Variants in ARID5B observed in about 807,000 individuals in gnomAD.
ARID5B encodes AT-rich interaction domain 5B.
Under a neutral mutation model 97.2 loss-of-function variants are expected in ARID5B, and 13 were observed. The ratio of observed to expected loss-of-function variants is 0.13; its 90% confidence interval spans 0.09 to 0.21. The LOEUF (loss-of-function observed/expected upper bound fraction) is 0.21, where lower values mean the gene tolerates loss of function less well. Among genes scored for constraint, ARID5B ranks in the 10% least tolerant of loss-of-function variants. ARID5B has a pLI of 1.00. For missense variants in ARID5B, 1,210 were observed against 1,465.3 expected (o/e 0.83, Z 2.84); for synonymous variants, 556 against 570.3 (o/e 0.97, Z 0.36).
At chr10:61,998,588 T>C (rs1839033823) in intron 3 of ARID5B, among the ~76,000 whole-genome samples, 1 of 152,166 alleles carries the variant, frequency 6.6e-6, no homozygotes, top group South Asian at 2.1e-4. Context: ...GAGCACAAAA[T>C]AAAGTGAGGT....
At chr10:62,026,148 A>G (rs1042707682) in intron 4 of ARID5B, among the ~76,000 whole-genome samples, 2 of 152,232 alleles carry the variant, frequency 1.3e-5, no homozygotes, top group African/African-American at 4.8e-5. Flanking sequence ...CTGAGTACTT[A>G]TACCCAAGCC....
rs571594576 is a variant in ARID5B, at chr10:62,021,818, T to C, written c.733+21497T>C. ...GGTGTTAATAGCTCCCTGGTTTGGTTCAACAGTTAGTCCATATATTTTATA... is the reference window on the plus strand; with the variant it reads ...GGTGTTAATAGCTCCCTGGTTTGGTCCAACAGTTAGTCCATATATTTTATA... On this transcript the variant is annotated intron_variant, in intron 4 of 9. Coordinates refer to ENST00000279873, the MANE Select transcript of ARID5B (RefSeq NM_032199.3). Among the ~76,000 whole-genome samples the C allele has an allele frequency of 3.9e-5, 6 of 152,354 alleles. No individual in the cohort carries two copies. The South Asian group carries it at 1.2e-3, about 32-fold the overall frequency.
intron 4 of ARID5B, among the ~76,000 whole-genome samples, chr10:62,033,730 T>C (rs1019801992): frequency 6.6e-6 from 1 of 152,214 alleles, no homozygotes; most frequent in African/African-American, 2.4e-5. Context: ...ATTAGTGTCT[T>C]CAGTGTGCCA....
At chr10:62,044,375 CTTT>C (rs10586947) in intron 4 of ARID5B, among the ~76,000 whole-genome samples, 3,845 of 129,392 alleles carry the variant, frequency 0.03, 146 homozygotes, top group African/African-American at 0.093. Flanking sequence ...TTCATTTGCT[CTTT>C]TTTTTTTTTT....
rs952580246 is a variant in ARID5B, at chr10:61,946,804, C to T, written c.502+6396C>T. On this transcript the variant is annotated intron_variant, in intron 3 of 9. Coordinates refer to ENST00000279873, the MANE Select transcript of ARID5B (RefSeq NM_032199.3). Reference sequence around the variant, plus strand: ...GGCATGGTGGCATGCGCCTGTAGTCCGAGCTACTCAGGAGGCTGAGGCAGG... The same window carrying T: ...GGCATGGTGGCATGCGCCTGTAGTCTGAGCTACTCAGGAGGCTGAGGCAGG... 1.8e-4 allele frequency among the ~76,000 whole-genome samples: 28 copies of T among 152,140 alleles called. 1 individual carries two copies. The highest frequency in any genetic ancestry group is 6.5e-4 in the Admixed American group (10 of 15,278).
chr10:61,948,190 C>A (rs537946792), intron 3 of ARID5B, among the ~76,000 whole-genome samples: 102 of 152,046 alleles, frequency 6.7e-4, no homozygotes, highest in Non-Finnish European at 1.3e-3. Flanking sequence ...TAATGGAGTA[C>A]AAGAATCTGC....
At chr10:61,968,754 C>T (rs548682645) in intron 3 of ARID5B, among the ~76,000 whole-genome samples, 1 of 152,270 alleles carries the variant, frequency 6.6e-6, no homozygotes, top group African/African-American at 2.4e-5. Flanking sequence ...AGGAATCCAT[C>T]TTTTAGGCAT....
At position 61,904,699 on chromosome 10, in the gene ARID5B, T is replaced by A. The variant is rs115028682; in HGVS notation, c.276+2286T>A. ...ACACGGCTGGTAATTAGCTGTATGA[T>A]TATACTTGTATATTTCATTAGGACT... On this transcript the variant is annotated intron_variant, in intron 2 of 9. Coordinates refer to ENST00000279873, the MANE Select transcript of ARID5B (RefSeq NM_032199.3). Among the ~76,000 whole-genome samples the A allele has an allele frequency of 9.4e-3, 1,437 of 152,380 alleles. 28 individuals carry two copies. The highest frequency in any genetic ancestry group is 0.033 in the African/African-American group (1,361 of 41,580).
intron 8 of ARID5B, among the ~76,000 whole-genome samples, chr10:62,076,227 C>A (rs1350107933): frequency 2.6e-5 from 4 of 152,114 alleles, no homozygotes; most frequent in Non-Finnish European, 5.9e-5. Context: ...AAAGGCCGTA[C>A]ACACATGGAA....
chr10:61,927,916 T>C (rs1844135625), intron 2 of ARID5B, among the ~76,000 whole-genome samples: 1 of 152,226 alleles, frequency 6.6e-6, no homozygotes, highest in Non-Finnish European at 1.5e-5. Context: ...TTTTCTCTGC[T>C]TTCTGCCCTG....
intron 8 of ARID5B, among the ~76,000 whole-genome samples, chr10:62,082,976 C>G (rs940308209): frequency 2.0e-5 from 3 of 151,906 alleles, no homozygotes; most frequent in African/African-American, 4.8e-5. Flanking sequence ...TTTTAGGAGG[C>G]TTTTTTCCCC....
intron 3 of ARID5B, among the ~76,000 whole-genome samples, chr10:61,961,461 C>A (rs983769882): frequency 6.6e-5 from 10 of 152,154 alleles, no homozygotes; most frequent in Admixed American, 4.6e-4. Flanking sequence ...CTCGTGTCAA[C>A]AACAAGCTAG....
In ARID5B at chr10:62,094,348, G is replaced by A; in HGVS notation, c.*1318G>A. 1 of 230,240 alleles carries A rather than the reference G, an allele frequency of 4.3e-6. No individual in the cohort carries two copies. Among genetic ancestry groups the A allele is most frequent in the Non-Finnish European group, 8.6e-6 (1 of 116,112 alleles). The allele number at this position is 230,240 out of a possible 1,614,324, so 14.3% of individuals were successfully genotyped here. On this transcript the variant is annotated 3_prime_UTR_variant, in exon 10 of 10. Transcript: ENST00000279873. ...TAGTCATGTTGTTTTCATCCAGTTGGTTTCTTGTCATTCCCAAGAAGAATC... is the reference window on the plus strand; with the variant it reads ...TAGTCATGTTGTTTTCATCCAGTTGATTTCTTGTCATTCCCAAGAAGAATC...
rs755340237 is a variant in ARID5B, at chr10:62,000,334, T to G, written c.733+13T>G. 4 of 1,570,998 alleles carry G rather than the reference T, an allele frequency of 2.5e-6. No homozygotes were observed. Among genetic ancestry groups the G allele is most frequent in the South Asian group, 1.2e-5 (1 of 86,948 alleles). On this transcript the variant is annotated intron_variant, in intron 4 of 9. Transcript: ENST00000279873. This position sits in a 1 kb window ranked among gnomAD's most constrained non-coding sequence, Gnocchi z 4.4. ...TGCGATGAGTTTGGTGAGTCTTTTT[T>G]TTTTTTTCCTACCTGATTCTTGTGC... is the stretch of plus-strand genomic sequence containing the variant.
intron 4 of ARID5B, among the ~76,000 whole-genome samples, chr10:62,042,969 A>T (rs1839660974): frequency 1.3e-5 from 2 of 151,584 alleles, no homozygotes; most frequent in Non-Finnish European, 2.9e-5. Context: ...GATTCTTTCC[A>T]TAGGCTCCTG....
At chr10:61,997,988 A>G (rs1839024550) in intron 3 of ARID5B, among the ~76,000 whole-genome samples, 1 of 152,120 alleles carries the variant, frequency 6.6e-6, no homozygotes, top group South Asian at 2.1e-4. Flanking sequence ...GCATTGGGGG[A>G]CTTGCCTTCA....
intron 3 of ARID5B, among the ~76,000 whole-genome samples, chr10:61,943,508 C>A (rs539260593): frequency 2.1e-5 from 3 of 143,910 alleles, no homozygotes; most frequent in East Asian, 2.3e-4. Context: ...AAGCAAAGAA[C>A]GGAAAGATCT....
At chr10:62,059,930 G>C (rs1326814234) in intron 7 of ARID5B, among the ~76,000 whole-genome samples, 1 of 152,094 alleles carries the variant, frequency 6.6e-6, no homozygotes, top group East Asian at 1.9e-4. Flanking sequence ...AAACATTACA[G>C]CAACAAACTG....
chr10:61,986,396 A>T (rs1227154275), intron 3 of ARID5B, among the ~76,000 whole-genome samples: 1 of 152,222 alleles, frequency 6.6e-6, no homozygotes, highest in South Asian at 2.1e-4. Flanking sequence ...ATTTGTAATT[A>T]TACAGTGTTA....
Sources: allele counts gnomAD v4.1 joint callset (sites outside exome capture counted in the v4.1 genomes callset), GRCh38; gene constraint gnomAD v4.1.1; non-coding constraint Gnocchi (gnomAD v3.1); transcripts MANE v1.5; gene names NCBI Gene and HGNC (gene_info 2026-07-23, HGNC 2026-07-21).